VPS54: variants seen among roughly 807,000 people sequenced by gnomAD.
The protein encoded by VPS54 is vacuolar protein sorting-associated protein 54.
A neutral mutation model predicts 121.5 loss-of-function variants in VPS54; 45 were observed. The ratio of observed to expected loss-of-function variants is 0.37; its 90% CI spans 0.29 to 0.47. VPS54 has a LOEUF of 0.47. Ranked by LOEUF, VPS54 falls within the 20% of genes least tolerant of loss-of-function variation. VPS54 has a pLI of 0.99. For synonymous variants in VPS54, 371 were observed against 385.8 expected, an observed-to-expected ratio of 0.96 and a Z score of 0.45; for missense variants, 1,090 against 1,131.4, an observed-to-expected ratio of 0.96 and a Z score of 0.52.
intron 3 of VPS54, among the ~76,000 whole-genome samples, chr2:63,977,504 A>G (rs1676596883): frequency 6.6e-6 from 1 of 152,126 alleles, no homozygotes; most frequent in South Asian, 2.1e-4. Context: ...CTATTAATGA[A>G]CTCATCAAAA....
chr2:63,921,071 A>T, intron 13 of VPS54, 135 bp downstream of exon 13: 2 of 857,348 alleles, frequency 2.3e-6, no homozygotes, highest in Non-Finnish European at 1.7e-6. Flanking sequence ...AGTAGACCAC[A>T]TCAGTGGTAA....
chr2:64,005,512 G>A (rs577937914), intron 1 of VPS54, among the ~76,000 whole-genome samples: 2 of 152,294 alleles, frequency 1.3e-5, no homozygotes, highest in African/African-American at 4.8e-5. Context: ...GAATACCTGA[G>A]ATTTCTATTG....
At chr2:63,905,506 A>G (rs940921684) in intron 20 of VPS54, among the ~76,000 whole-genome samples, 1 of 150,004 alleles carries the variant, frequency 6.7e-6, no homozygotes, top group Admixed American at 6.6e-5. Flanking sequence ...ACATAGTTCT[A>G]TATGTATTTT....
intron 1 of VPS54, among the ~76,000 whole-genome samples, chr2:63,998,082 C>T (rs964680288): frequency 3.3e-5 from 5 of 152,006 alleles, no homozygotes; most frequent in African/African-American, 1.2e-4. Context: ...TATTTCCAAC[C>T]TGTTTCTTTG....
intron 1 of VPS54, among the ~76,000 whole-genome samples, chr2:64,007,981 C>T (rs1205952963): frequency 1.4e-5 from 2 of 146,470 alleles, no homozygotes; most frequent in East Asian, 3.9e-4. Context: ...GTAATAAAGG[C>T]AACAATATCA....
intron 1 of VPS54, among the ~76,000 whole-genome samples, chr2:63,993,918 G>A (rs1350751836): frequency 6.6e-6 from 1 of 152,116 alleles, no homozygotes; most frequent in South Asian, 2.1e-4. Context: ...TTAAATTGCT[G>A]TAATTACTGC....
intron 2 of VPS54, 56 bp from the exon 3 acceptor site, chr2:63,981,943 G>C: frequency 6.5e-7 from 1 of 1,542,388 alleles, no homozygotes; most frequent in Admixed American, 1.9e-5. Context: ...TTCTATGTTT[G>C]AAAGTACACA....
At chr2:63,911,893 A>C (rs1673165384) in intron 20 of VPS54, among the ~76,000 whole-genome samples, 2 of 152,220 alleles carry the variant, frequency 1.3e-5, no homozygotes, top group Admixed American at 1.3e-4. Context: ...TATTTTTCTG[A>C]AGATACTCTC....
chr2:63,983,860 T>G lies in VPS54; in HGVS notation c.136+4A>C. 6.3e-7 allele frequency: 1 copy of G among 1,585,300 alleles called. No individual in the cohort carries two copies. The highest frequency in any genetic ancestry group is 1.4e-5 in the African/African-American group (1 of 73,416). ...AAAAATCCTACAAAAAAAAAAAGCA[T>G]TACCTGTGGGTTCCTTGGGACACAC... On this transcript the variant is annotated splice_donor_region_variant and intron_variant, in intron 2 of 22. Coordinates refer to ENST00000272322, the MANE Select transcript of VPS54 (RefSeq NM_016516.3).
chr2:63,987,850 A>T (rs1168213524), intron 1 of VPS54, among the ~76,000 whole-genome samples: 1 of 152,140 alleles, frequency 6.6e-6, no homozygotes, highest in Non-Finnish European at 1.5e-5. Flanking sequence ...TATGTAAATG[A>T]TACTGATTTT....
At chr2:63,949,486 A>G (rs1675139136) in intron 7 of VPS54, among the ~76,000 whole-genome samples, 1 of 152,204 alleles carries the variant, frequency 6.6e-6, no homozygotes, top group Non-Finnish European at 1.5e-5. Flanking sequence ...AGCCTTACCA[A>G]TAACATAAAG....
intron 20 of VPS54, among the ~76,000 whole-genome samples, chr2:63,909,444 T>C (rs1422057778): frequency 8.6e-6 from 1 of 115,884 alleles, no homozygotes; most frequent in African/African-American, 3.5e-5. Context: ...TTTTTTGAGA[T>C]GGAGTCTCAC....
At chr2:63,957,359 G>A (rs1434571503) in intron 7 of VPS54, among the ~76,000 whole-genome samples, 3 of 150,524 alleles carry the variant, frequency 2.0e-5, no homozygotes, top group African/African-American at 7.3e-5. Context: ...GAAGAATGGC[G>A]TGAATCCGGG....
At position 63,924,975 on chromosome 2, in the gene VPS54, A is replaced by C. The variant is rs919923908; in HGVS notation, c.1740-3640T>G. Among the ~76,000 whole-genome samples, 57 of 152,246 alleles carry C rather than the reference A, an allele frequency of 3.7e-4. 3 individuals are homozygous for C. The highest frequency in any genetic ancestry group is 3.7e-3 in the Admixed American group (56 of 15,290). ...ACAAAGTTTCTAGACAGTAACCAGAAAACATCTTCAAGTCTTTAAGGTAGA... is the reference window on the plus strand; with the variant it reads ...ACAAAGTTTCTAGACAGTAACCAGACAACATCTTCAAGTCTTTAAGGTAGA... On this transcript the variant is annotated intron_variant, in intron 12 of 22. Coordinates refer to ENST00000272322, the MANE Select transcript of VPS54 (RefSeq NM_016516.3).
intron 7 of VPS54, among the ~76,000 whole-genome samples, chr2:63,950,091 A>G (rs1029261318): frequency 6.6e-6 from 1 of 152,208 alleles, no homozygotes; most frequent in African/African-American, 2.4e-5. Flanking sequence ...CAAGATTCTT[A>G]TCTTGAAATC....
At chr2:63,992,329 A>T (rs879645690) in intron 1 of VPS54, among the ~76,000 whole-genome samples, 1 of 152,228 alleles carries the variant, frequency 6.6e-6, no homozygotes, top group African/African-American at 2.4e-5. Context: ...ACTGGGGCTT[A>T]AATTAACATT....
intron 20 of VPS54, among the ~76,000 whole-genome samples, chr2:63,900,132 A>G (rs1182298576): frequency 4.1e-5 from 6 of 145,982 alleles, no homozygotes; most frequent in Non-Finnish European, 9.0e-5. Flanking sequence ...AGACAGGAGA[A>G]TTGCTTGGAC....
chr2:64,009,245 A>T (rs912440237), intron 1 of VPS54, among the ~76,000 whole-genome samples: 4 of 152,220 alleles, frequency 2.6e-5, no homozygotes, highest in Admixed American at 6.5e-5. Context: ...GAATGATAGA[A>T]ATAATTAACA....
chr2:63,954,843 A>G (rs1309966377), intron 7 of VPS54, among the ~76,000 whole-genome samples: 1 of 152,086 alleles, frequency 6.6e-6, no homozygotes, highest in Non-Finnish European at 1.5e-5. Context: ...GAAGCACTAT[A>G]AGACAACCCA....
Sources: allele counts gnomAD v4.1 joint callset (sites outside exome capture counted in the v4.1 genomes callset), GRCh38; gene constraint gnomAD v4.1.1; transcripts MANE v1.5; gene names NCBI Gene and HGNC (gene_info 2026-07-23, HGNC 2026-07-21).